EXOC6B: variants seen among roughly 807,000 people sequenced by gnomAD.
EXOC6B encodes the protein SEC15 homolog B.
EXOC6B carries 54 observed loss-of-function variants against 113.5 expected under a neutral mutation model. That is an observed-to-expected ratio of 0.48 (90% CI 0.38 to 0.60). The LOEUF (loss-of-function observed/expected upper bound fraction) is 0.60. Among genes scored for constraint, EXOC6B ranks in the 20% least tolerant of loss-of-function variants. The pLI, the probability that EXOC6B is intolerant of heterozygous loss-of-function variation, is 0.00. For synonymous variants in EXOC6B, 357 were observed against 339.0 expected (o/e 1.05, Z -0.58); for missense variants, 797 against 977.5 (o/e 0.82, Z 2.46).
At chr2:72,291,015 T>C (rs570550036) in intron 20 of EXOC6B, among the ~76,000 whole-genome samples, 1 of 152,318 alleles carries the variant, frequency 6.6e-6, no homozygotes, top group African/African-American at 2.4e-5. Flanking sequence ...TGACATTATC[T>C]TTTAAGTTCC....
intron 6 of EXOC6B, among the ~76,000 whole-genome samples, chr2:72,688,588 C>T (rs1677256472): frequency 6.6e-6 from 1 of 152,044 alleles, no homozygotes; most frequent in Non-Finnish European, 1.5e-5. Context: ...GTATTAATTC[C>T]CCATTTCTGG....
At chr2:72,510,086 G>C (rs954409287) in intron 11 of EXOC6B, among the ~76,000 whole-genome samples, 1 of 151,942 alleles carries the variant, frequency 6.6e-6, no homozygotes, top group Non-Finnish European at 1.5e-5. Flanking sequence ...TGCCCTCCTC[G>C]GCCTCCCAAA....
At chr2:72,330,345 A>G (rs531978103) in intron 20 of EXOC6B, among the ~76,000 whole-genome samples, 7 of 152,156 alleles carry the variant, frequency 4.6e-5, no homozygotes, top group Non-Finnish European at 1.0e-4. Flanking sequence ...AATAGATAGG[A>G]CATAAAAGAA....
intron 19 of EXOC6B, among the ~76,000 whole-genome samples, chr2:72,356,034 T>C (rs1286283354): frequency 6.6e-6 from 1 of 152,238 alleles, no homozygotes; most frequent in Admixed American, 6.5e-5. Flanking sequence ...TTAAAAATAT[T>C]TTTTAATTGA....
intron 1 of EXOC6B, among the ~76,000 whole-genome samples, chr2:72,763,091 G>A (rs1017539196): frequency 1.3e-5 from 2 of 151,530 alleles, no homozygotes. Context: ...AAAAATATTT[G>A]GTTGTTCTAA....
chr2:72,324,013 A>T (rs569618148), intron 20 of EXOC6B, among the ~76,000 whole-genome samples: 15 of 151,588 alleles, frequency 9.9e-5, no homozygotes, highest in African/African-American at 1.9e-4. Context: ...AGCAGGATTT[A>T]AAAAAAAAGT....
intron 1 of EXOC6B, among the ~76,000 whole-genome samples, chr2:72,790,748 T>C (rs1292244370): frequency 6.6e-6 from 1 of 152,216 alleles, no homozygotes; most frequent in Non-Finnish European, 1.5e-5. Flanking sequence ...TACTATTCTC[T>C]AGGTGGTTTT....
chr2:72,589,831 G>GAA (rs141524822), intron 6 of EXOC6B, among the ~76,000 whole-genome samples: 2 of 147,430 alleles, frequency 1.4e-5, no homozygotes, highest in African/African-American at 5.0e-5. Flanking sequence ...GCATTGAATG[G>GAA]AAAAAAAAAA....
chr2:72,415,422 A>T (rs924637662), intron 18 of EXOC6B, among the ~76,000 whole-genome samples: 6 of 152,198 alleles, frequency 3.9e-5, no homozygotes, highest in African/African-American at 1.4e-4. Flanking sequence ...AGATAAAACA[A>T]ACAGAAAACA....
chr2:72,566,481 C>T (rs1223480145), intron 7 of EXOC6B, among the ~76,000 whole-genome samples: 3 of 152,110 alleles, frequency 2.0e-5, no homozygotes, highest in African/African-American at 4.8e-5. Context: ...CACAAAGCTG[C>T]TATAAATATT....
intron 8 of EXOC6B, chr2:72,515,818 G>T: frequency 4.0e-6 from 3 of 754,690 alleles, no homozygotes; most frequent in African/African-American, 1.9e-5. Flanking sequence ...TGGAAATAGG[G>T]CCATTGTGAT....
At chr2:72,577,122 T>C (rs1240467205) in intron 6 of EXOC6B, among the ~76,000 whole-genome samples, 1 of 152,096 alleles carries the variant, frequency 6.6e-6, no homozygotes, top group Admixed American at 6.5e-5. Context: ...TTTGAATCAA[T>C]GGACATACTT....
At chr2:72,629,254 C>T (rs1162801546) in intron 6 of EXOC6B, among the ~76,000 whole-genome samples, 1 of 152,180 alleles carries the variant, frequency 6.6e-6, no homozygotes. Flanking sequence ...TATCACCTCG[C>T]TCATCCAGAA....
intron 6 of EXOC6B, among the ~76,000 whole-genome samples, chr2:72,706,830 C>T (rs371629589): frequency 6.6e-6 from 1 of 152,146 alleles, no homozygotes; most frequent in Non-Finnish European, 1.5e-5. Context: ...CTTGCAATTG[C>T]TTTGACCACT....
In EXOC6B at chr2:72,177,879, C is replaced by G. The variant is rs41416; in HGVS notation, c.*1456G>C. 0.17 allele frequency: 25,913 copies of G among 152,188 alleles called. 2,395 individuals carry two copies. Among genetic ancestry groups the G allele is most frequent in the Non-Finnish European group, 0.19 (12,875 of 68,004 alleles). The allele number at this position is 152,188 out of a possible 1,614,324, so 9.4% of individuals were successfully genotyped here. A position where few individuals can be genotyped will look rare whatever the true frequency, so the allele number is the denominator to read the frequency against. On this transcript the variant is annotated 3_prime_UTR_variant, in exon 22 of 22. Transcript: ENST00000272427. ...GTGATGCACAATTATACTCTTGCCA[C>G]TAGCCATCTTTCTGCTACTAGCCAG...
chr2:72,422,695 T>C (rs143535490), intron 18 of EXOC6B, among the ~76,000 whole-genome samples: 3,187 of 151,770 alleles, frequency 0.021, 95 homozygotes, highest in African/African-American at 0.071. Context: ...GCTCAGGGAT[T>C]GTAAACACAC....
At chr2:72,229,815 C>A (rs776320384) in intron 20 of EXOC6B, among the ~76,000 whole-genome samples, 2 of 152,156 alleles carry the variant, frequency 1.3e-5, no homozygotes, top group Admixed American at 1.3e-4. Context: ...ATGGATACCA[C>A]GTGCTACCTA....
At chr2:72,325,997 C>T (rs1688105588) in intron 20 of EXOC6B, among the ~76,000 whole-genome samples, 1 of 152,046 alleles carries the variant, frequency 6.6e-6, no homozygotes, top group Non-Finnish European at 1.5e-5. Flanking sequence ...GTCCTAGTTG[C>T]CTCAATCTGG....
chr2:72,312,009 G>A (rs542819957), intron 20 of EXOC6B, among the ~76,000 whole-genome samples: 1 of 152,258 alleles, frequency 6.6e-6, no homozygotes, highest in African/African-American at 2.4e-5. Flanking sequence ...ATCTTTAACG[G>A]TGCTGATACT....
Sources: allele counts gnomAD v4.1 joint callset (sites outside exome capture counted in the v4.1 genomes callset), GRCh38; gene constraint gnomAD v4.1.1; transcripts MANE v1.5; gene names NCBI Gene and HGNC (gene_info 2026-07-23, HGNC 2026-07-21).